The following NEBL variants were observed in gnomAD, a reference collection of about 807,000 sequenced individuals.
NEBL encodes LIM and SH3 protein 2.
Under a neutral mutation model 140.2 loss-of-function variants are expected in NEBL, and 122 were observed. The observed-to-expected ratio is 0.87, with a 90% CI of 0.75 to 1.01. The LOEUF (loss-of-function observed/expected upper bound fraction) is 1.01, where lower values mean the gene tolerates loss of function less well. Among genes scored for constraint, NEBL ranks in the 50% least tolerant of loss-of-function variants. NEBL has a pLI of 0.00. For synonymous variants in NEBL, 436 were observed against 398.9 expected, an observed-to-expected ratio of 1.09 and a Z score of -1.11; for missense variants, 1,365 against 1,231.3, an observed-to-expected ratio of 1.11 and a Z score of -1.62.
In NEBL at chr10:21,221,064, G is replaced by T. The variant is rs1842059539; in HGVS notation, n.348+26857C>A. On this transcript the variant is annotated intron_variant and non_coding_transcript_variant, in intron 3 of 8. Transcript: ENST00000675702. ...CCAGTAGTCAGGAGCTGAGGTGGGA[G>T]GATTGCTTGAGCCCAGGAGTTGGAA... Among the ~76,000 whole-genome samples the T allele has an allele frequency of 3.3e-5, 5 of 152,094 alleles. No individual in the cohort carries two copies. In the South Asian group the frequency reaches 1.0e-3, roughly 32 times the overall value.
chr10:21,208,726 A>G (rs1433774229), intron 3 of NEBL, among the ~76,000 whole-genome samples: 1 of 152,194 alleles, frequency 6.6e-6, no homozygotes, highest in African/African-American at 2.4e-5. Context: ...AGCAAGGAGC[A>G]GGCCTGGAAG....
chr10:20,940,960 A>C (rs928746430), intron 4 of NEBL, among the ~76,000 whole-genome samples: 6 of 152,210 alleles, frequency 3.9e-5, no homozygotes, highest in Non-Finnish European at 5.9e-5. Context: ...TACCAACCAA[A>C]AAAAGTCCAG....
At chr10:20,948,545 A>G (rs1835288797) in intron 4 of NEBL, among the ~76,000 whole-genome samples, 1 of 152,246 alleles carries the variant, frequency 6.6e-6, no homozygotes, top group Admixed American at 6.5e-5. Flanking sequence ...AGTGTTTACA[A>G]TAAAGGCACA....
At chr10:21,223,109 C>G (rs1029172869) in intron 3 of NEBL, among the ~76,000 whole-genome samples, 1 of 152,174 alleles carries the variant, frequency 6.6e-6, no homozygotes, top group African/African-American at 2.4e-5. Flanking sequence ...TGACTTTAGT[C>G]ACTCTGTTGT....
intron 4 of NEBL, among the ~76,000 whole-genome samples, chr10:20,910,349 G>T (rs2131461177): frequency 6.6e-6 from 1 of 152,242 alleles, no homozygotes; most frequent in Non-Finnish European, 1.5e-5. Flanking sequence ...TAATCATGTA[G>T]CTTCCACTTA....
Position 21,046,220 on chromosome 10 carries a change from G to A in NEBL, c.165-26019C>T, listed in dbSNP as rs540984532. Among the ~76,000 whole-genome samples, 53 of 152,282 alleles carry A rather than the reference G, an allele frequency of 3.5e-4. 2 individuals carry two copies. In the South Asian group the frequency reaches 0.01, roughly 30 times the overall value. The stretch of plus-strand genomic sequence containing the variant: ...AAAGCAGAAAATGGTGATTACCAGA[G>A]GCTGGGAGATGAGAGGAATAGGGAG... On this transcript the variant is annotated intron_variant, in intron 2 of 6. Transcript: ENST00000417816.
chr10:21,075,336 G>A (rs1210281134), intron 2 of NEBL, among the ~76,000 whole-genome samples: 1 of 152,148 alleles, frequency 6.6e-6, no homozygotes, highest in Admixed American at 6.5e-5. Flanking sequence ...GAGACGGACT[G>A]AGAGGGTCAC....
chr10:20,915,919 C>A (rs10159777), intron 4 of NEBL, among the ~76,000 whole-genome samples: 1,544 of 152,232 alleles, frequency 0.01, 20 homozygotes, highest in African/African-American at 0.035. Context: ...AGGTATTCAA[C>A]GAACATTCTA....
chr10:21,276,987 G>C (rs1842932591), intron 1 of NEBL, among the ~76,000 whole-genome samples: 1 of 151,726 alleles, frequency 6.6e-6, no homozygotes, highest in African/African-American at 2.4e-5. Context: ...AAATTAGCCA[G>C]GTATAGTGGT....
chr10:20,808,428 A>G (rs1291739546), intron 26 of NEBL, 82 bp downstream of exon 26: 7 of 1,423,820 alleles, frequency 4.9e-6, no homozygotes, highest in Non-Finnish European at 6.9e-6. Flanking sequence ...TTCATGCAAA[A>G]GTGAAAAGAA....
At chr10:21,255,806 G>A (rs976832323) in intron 1 of NEBL, among the ~76,000 whole-genome samples, 1 of 151,898 alleles carries the variant, frequency 6.6e-6, no homozygotes, top group East Asian at 2.0e-4. Context: ...GACCAGCCTG[G>A]CCAACATGGT....
chr10:20,858,207 G>A, intron 9 of NEBL, 33 bp downstream of exon 9: 1 of 1,517,468 alleles, frequency 6.6e-7, no homozygotes, highest in Non-Finnish European at 9.2e-7. Context: ...GAGCCACAAG[G>A]CAACTACGGT....
At chr10:21,143,803 T>C (rs148979994) in intron 2 of NEBL, among the ~76,000 whole-genome samples, 37 of 152,010 alleles carry the variant, frequency 2.4e-4, no homozygotes, top group Non-Finnish European at 5.3e-4. Flanking sequence ...ATCTAGATTT[T>C]CTATTCTAGG....
chr10:21,095,983 C>T (rs1187671330), intron 2 of NEBL, among the ~76,000 whole-genome samples: 1 of 152,126 alleles, frequency 6.6e-6, no homozygotes, highest in African/African-American at 2.4e-5. Context: ...AAAAGTTAGA[C>T]CAGATTATCC....
chr10:20,919,129 A>G (rs890968416), intron 4 of NEBL, among the ~76,000 whole-genome samples: 8 of 152,182 alleles, frequency 5.3e-5, no homozygotes, highest in African/African-American at 1.9e-4. Flanking sequence ...TAAAAATTCA[A>G]AACTAAAAAA....
chr10:21,183,209 A>G (rs1841412757), intron 3 of NEBL, among the ~76,000 whole-genome samples: 1 of 152,184 alleles, frequency 6.6e-6, no homozygotes, highest in African/African-American at 2.4e-5. Flanking sequence ...AGCATGAACG[A>G]GAGAGAAATA....
At chr10:21,114,342 A>C (rs1237098127) in intron 2 of NEBL, among the ~76,000 whole-genome samples, 1 of 152,084 alleles carries the variant, frequency 6.6e-6, no homozygotes, top group African/African-American at 2.4e-5. Context: ...TATGGCCCAA[A>C]ATATGGTCTA....
At position 20,896,998 on chromosome 10, in the gene NEBL, C is replaced by A. The variant is rs375265257; in HGVS notation, c.113G>T (p.Ser38Ile). The A allele has an allele frequency of 9.3e-6, 15 of 1,613,822 alleles. No homozygotes were observed. The African/African-American group carries it at 1.5e-4, about 16-fold the overall frequency. ...VFYKPVIEDL[S>I]MELARKCTEL... ...CGTGCATTTTCTGGCCAATTCCATG[C>A]TTAAGTCTTCAATAACAGGCTTATA... Residue 38 changes from serine (S) to isoleucine (I), a missense_variant, in exon 2 of 28, where the codon AGC becomes ATC. Transcript: ENST00000377122.
At chr10:21,046,996 G>A (rs1393145431) in intron 2 of NEBL, among the ~76,000 whole-genome samples, 1 of 152,184 alleles carries the variant, frequency 6.6e-6, no homozygotes, top group East Asian at 1.9e-4. Context: ...GTATATATAT[G>A]ATTTTAGACC....
Sources: allele counts gnomAD v4.1 joint callset (sites outside exome capture counted in the v4.1 genomes callset), GRCh38; gene constraint gnomAD v4.1.1; transcripts MANE v1.5; gene names NCBI Gene and HGNC (gene_info 2026-07-23, HGNC 2026-07-21).